The following RELN variants were observed in gnomAD, a reference collection of about 807,000 sequenced individuals.
The protein encoded by RELN is reelin.
Under a neutral mutation model 427.6 loss-of-function variants are expected in RELN, and 108 were observed. The observed-to-expected ratio is 0.25, with a 90% CI of 0.22 to 0.30. The LOEUF (loss-of-function observed/expected upper bound fraction) is 0.30. Ranked by LOEUF, RELN falls within the 10% of genes least tolerant of loss-of-function variation. RELN has a pLI of 1.00. For synonymous variants in RELN, 1,524 were observed against 1,513.4 expected, an observed-to-expected ratio of 1.01 and a Z score of -0.16; for missense variants, 3,715 against 4,302.8, an observed-to-expected ratio of 0.86 and a Z score of 3.82.
At chr7:103,722,443 G>A (rs1247147922) in intron 8 of RELN, among the ~76,000 whole-genome samples, 2 of 152,046 alleles carry the variant, frequency 1.3e-5, no homozygotes, top group Non-Finnish European at 2.9e-5. Flanking sequence ...ATGGGACCTA[G>A]GCCCCATTAA....
intron 4 of RELN, among the ~76,000 whole-genome samples, chr7:103,759,990 CTTTTTTT>C (rs57019839): frequency 0.026 from 1,697 of 64,752 alleles, 27 homozygotes; most frequent in African/African-American, 0.06. Context: ...CACAGTCATA[CTTTTTTT>C]TTTTTTTTTT....
intron 24 of RELN, among the ~76,000 whole-genome samples, chr7:103,599,852 A>G (rs1376454093): frequency 6.6e-6 from 1 of 152,124 alleles, no homozygotes; most frequent in Non-Finnish European, 1.5e-5. Flanking sequence ...ACCATCTTGA[A>G]TATTTGTGAT....
chr7:103,569,114 G>A lies in RELN; in HGVS notation c.4589-2355C>T, dbSNP rs557247176. Reference sequence around the variant, plus strand: ...GGAAACAGTCATAAAAGGCATTGTCGTTTATTCCTTGCTCCCTCTCAGATC... The same window carrying A: ...GGAAACAGTCATAAAAGGCATTGTCATTTATTCCTTGCTCCCTCTCAGATC... On this transcript the variant is annotated intron_variant, in intron 31 of 64. Coordinates refer to ENST00000428762, the MANE Select transcript of RELN (RefSeq NM_005045.4). The surrounding 1 kb of genome is among the most constrained non-coding windows in gnomAD (Gnocchi z 4.0). Among the ~76,000 whole-genome samples, 32 of 152,182 alleles carry A rather than the reference G, an allele frequency of 2.1e-4. No individual in the cohort carries two copies. Among genetic ancestry groups the A allele is most frequent in the Non-Finnish European group, 3.2e-4 (22 of 68,038 alleles).
chr7:103,667,272 A>G (rs968270750), intron 11 of RELN, among the ~76,000 whole-genome samples: 5 of 152,176 alleles, frequency 3.3e-5, no homozygotes, highest in African/African-American at 1.2e-4. Context: ...GCTCTCATTT[A>G]ATTATGTCAT....
Position 103,515,434 on chromosome 7 carries a change from T to C in RELN, c.7870A>G (p.Asn2624Asp). The C allele has an allele frequency of 6.2e-7, 1 of 1,614,056 alleles. No homozygotes were observed. Among genetic ancestry groups the C allele is most frequent in the South Asian group, 1.1e-5 (1 of 91,076 alleles). The change falls in exon 50 of 65, where the codon AAT (asparagine) becomes GAT (aspartate). Residue 2624 changes from asparagine to aspartate, a missense_variant. Around this residue, in one of 4 missense-constraint regions of RELN, gnomAD observed 1,310 missense variants for 1,643.0 expected, o/e 0.80. Coordinates refer to ENST00000428762, the MANE Select transcript of RELN (RefSeq NM_005045.4). ...YDQYSKPGFV[N>D]ILLPPDAKEI... is the part of the protein sequence containing the mutation. ...TTAGCATCAGGAGGGAGAAGGATAT[T>C]CACAAATCTATAGGAAAATGATGGG...
intron 3 of RELN, among the ~76,000 whole-genome samples, chr7:103,819,260 C>T (rs939546352): frequency 4.6e-5 from 7 of 151,884 alleles, no homozygotes; most frequent in South Asian, 2.1e-4. Context: ...TATTTATTTA[C>T]TGAAATTCTT....
At chr7:103,745,903 C>T (rs562092917) in intron 6 of RELN, among the ~76,000 whole-genome samples, 48 of 152,224 alleles carry the variant, frequency 3.2e-4, no homozygotes, top group Non-Finnish European at 4.0e-4. Flanking sequence ...CTTCACAGAA[C>T]TGGAAAACAC....
intron 3 of RELN, among the ~76,000 whole-genome samples, chr7:103,788,124 G>A (rs556653378): frequency 6.4e-4 from 97 of 152,250 alleles, no homozygotes; most frequent in African/African-American, 2.2e-3. Context: ...AAAGGGCTTC[G>A]ATAAAATTTA....
At chr7:103,872,670 A>T (rs1794376088) in intron 2 of RELN, among the ~76,000 whole-genome samples, 1 of 143,922 alleles carries the variant, frequency 6.9e-6, no homozygotes, top group Non-Finnish European at 1.5e-5. Flanking sequence ...ACTAGTTTAC[A>T]GTCCCACCAA....
In RELN at chr7:103,545,282, G is replaced by A; in HGVS notation, c.6365C>T (p.Ala2122Val). The A allele has an allele frequency of 6.2e-7, 1 of 1,613,996 alleles. No homozygotes were observed. The highest frequency in any genetic ancestry group is 8.5e-7 in the Non-Finnish European group (1 of 1,179,922). The change falls in exon 42 of 65, where the codon GCC becomes GTC. Residue 2122 changes from alanine (A) to valine (V), a missense_variant. Ala to Val is a moderately conservative substitution (Grantham distance 64). Coordinates refer to ENST00000428762, the MANE Select transcript of RELN (RefSeq NM_005045.4). The stretch of plus-strand genomic sequence containing the variant: ...GGGACCGATGTAGACATTATCAATG[G>A]CCCATGTCACTGGCTGAGAGCCGGC... Reference protein sequence around the residue: ...YPAGSQPVTWAIDNVYIGPQC... With the variant: ...YPAGSQPVTWVIDNVYIGPQC...
chr7:103,755,457 A>T (rs1397051629), intron 4 of RELN, among the ~76,000 whole-genome samples: 1 of 151,890 alleles, frequency 6.6e-6, no homozygotes, highest in Non-Finnish European at 1.5e-5. Flanking sequence ...AAATACAAAA[A>T]ATTAGCCGGG....
chr7:103,845,842 A>G (rs563177588), intron 2 of RELN, among the ~76,000 whole-genome samples: 2 of 152,292 alleles, frequency 1.3e-5, no homozygotes, highest in Admixed American at 1.3e-4. Context: ...AGAACTACTC[A>G]AGAAACGACT....
intron 19 of RELN, among the ~76,000 whole-genome samples, chr7:103,632,392 C>T (rs780612086): frequency 6.6e-6 from 1 of 152,182 alleles, no homozygotes; most frequent in South Asian, 2.1e-4. Context: ...CTGCATAGTA[C>T]GTATTATCAG....
chr7:103,845,409 A>C (rs1793651145), intron 2 of RELN, among the ~76,000 whole-genome samples: 5 of 152,068 alleles, frequency 3.3e-5, no homozygotes, highest in Admixed American at 3.3e-4. Flanking sequence ...TCGAACTCCT[A>C]ACCTCAAGTG....
At chr7:103,893,873 GT>G (rs777178500) in intron 2 of RELN, among the ~76,000 whole-genome samples, 8 of 152,116 alleles carry the variant, frequency 5.3e-5, no homozygotes, top group Non-Finnish European at 7.4e-5. Flanking sequence ...CAGTACCTTG[GT>G]TAAGTGATTC....
intron 30 of RELN, among the ~76,000 whole-genome samples, chr7:103,572,686 G>C (rs1225145678): frequency 6.6e-6 from 1 of 151,726 alleles, no homozygotes. Flanking sequence ...ACAGGTGCCC[G>C]CCACCACGCC....
At chr7:103,489,223 T>TGTGCGC (rs1397241289) in intron 60 of RELN, among the ~76,000 whole-genome samples, 1 of 151,516 alleles carries the variant, frequency 6.6e-6, no homozygotes, top group African/African-American at 2.4e-5. Flanking sequence ...TGTGTGTGTG[T>TGTGCGC]GTGTGTCCGT....
chr7:103,608,164 G>C (rs1584340202), intron 22 of RELN, among the ~76,000 whole-genome samples: 1 of 152,134 alleles, frequency 6.6e-6, no homozygotes, highest in Non-Finnish European at 1.5e-5. Flanking sequence ...CCCAATGCTT[G>C]AGAAAAACCT....
At position 103,603,051 on chromosome 7, in the gene RELN, T is replaced by C. The variant is rs1011720673; in HGVS notation, c.3333+253A>G. Among the ~76,000 whole-genome samples the C allele has an allele frequency of 6.6e-6, 1 of 152,102 alleles. No homozygotes were observed. The highest frequency in any genetic ancestry group is 1.9e-4 in the East Asian group (1 of 5,180). ...GAAATGAAGGAAAGGAAAGTAATGG[T>C]ATTTAAATCAGGTACAGGAGGGTAG... On this transcript the variant is annotated intron_variant, in intron 24 of 64. Coordinates refer to ENST00000428762, the MANE Select transcript of RELN (RefSeq NM_005045.4). This position sits in a 1 kb window ranked among gnomAD's most constrained non-coding sequence, Gnocchi z 4.3.
Sources: gnomAD v4.1 joint callset for allele counts (sites outside exome capture counted in the v4.1 genomes callset) on GRCh38, gnomAD v4.1.1 for gene constraint, gnomAD v4.1.1 regional missense constraint, Gnocchi (gnomAD v3.1) non-coding constraint, MANE v1.5 for transcripts, NCBI Gene and HGNC (gene_info 2026-07-23, HGNC 2026-07-21) for gene names.